The following PSMF1 variants were observed in gnomAD, a reference collection of about 807,000 sequenced individuals.
PSMF1 encodes the protein proteasome inhibitor PI31 subunit.
Under a neutral mutation model 29.3 loss-of-function variants are expected in PSMF1, and 30 were observed. The ratio of observed to expected loss-of-function variants is 1.02; its 90% confidence interval spans 0.77 to 1.39. The LOEUF (loss-of-function observed/expected upper bound fraction) is 1.39. Ranked by LOEUF, PSMF1 falls within the 40% of genes most tolerant of loss-of-function variation. The pLI is 0.00. For synonymous variants in PSMF1, 134 were observed against 139.7 expected, an observed-to-expected ratio of 0.96 and a Z score of 0.29; for missense variants, 344 against 357.5, an observed-to-expected ratio of 0.96 and a Z score of 0.31.
At chr20:1,156,875 T>G (rs2086600923) in intron 4 of PSMF1, among the ~76,000 whole-genome samples, 1 of 152,182 alleles carries the variant, frequency 6.6e-6, no homozygotes, top group South Asian at 2.1e-4. Context: ...TAATGGACAG[T>G]TCTCTAAAAT....
At chr20:1,132,515 C>A (rs1002991798) in intron 3 of PSMF1, among the ~76,000 whole-genome samples, 6 of 151,964 alleles carry the variant, frequency 3.9e-5, no homozygotes, top group Admixed American at 6.6e-5. Flanking sequence ...GACCTCGTGA[C>A]CCACCCATCT....
Position 1,166,064 on chromosome 20 carries a change from G to T in PSMF1, c.*984G>T. ...GCCATACTTCCCTTGAACCTTGTGT[G>T]GTTCTTGCCTAACTCTGTGGTTTTT... On this transcript the variant is annotated 3_prime_UTR_variant, in exon 7 of 7. Transcript: ENST00000335877. The T allele has an allele frequency of 6.7e-7, 1 of 1,494,574 alleles. No individual in the cohort carries two copies. The highest frequency in any genetic ancestry group is 1.3e-5 in the South Asian group (1 of 76,244). The allele number at this position is 1,494,574 out of a possible 1,614,324, so 92.6% of individuals were successfully genotyped here. A position where few individuals can be genotyped will look rare whatever the true frequency, so the allele number is the denominator to read the frequency against.
At chr20:1,131,785 A>T (rs571523246) in intron 3 of PSMF1, among the ~76,000 whole-genome samples, 1 of 152,330 alleles carries the variant, frequency 6.6e-6, no homozygotes, top group Middle Eastern at 3.4e-3. Context: ...CTTTTGCCAC[A>T]ACCAAAATGG....
At position 1,170,501 on chromosome 20, in the gene PSMF1, C is replaced by T. The variant is rs963067284; in HGVS notation, c.*5421C>T. 6.6e-6 allele frequency among the ~76,000 whole-genome samples: 1 copy of T among 152,130 alleles called. No individual in the cohort carries two copies. Among genetic ancestry groups the T allele is most frequent in the Non-Finnish European group, 1.5e-5 (1 of 68,030 alleles). On this transcript the variant is annotated 3_prime_UTR_variant, in exon 7 of 7. Coordinates refer to ENST00000335877, the MANE Select transcript of PSMF1 (RefSeq NM_006814.5). ...AGCACCTTTATAGCATACATTATATCTTCAAACCATAACCATAATGAGGTG... is the reference window on the plus strand; with the variant it reads ...AGCACCTTTATAGCATACATTATATTTTCAAACCATAACCATAATGAGGTG...
Position 1,165,691 on chromosome 20 carries a change from G to A in PSMF1, c.*611G>A. On this transcript the variant is annotated 3_prime_UTR_variant, in exon 7 of 7. Coordinates refer to ENST00000335877, the MANE Select transcript of PSMF1 (RefSeq NM_006814.5). ...GAAATGAGTGACTGGAAATCCCATAGGCCACAAGAATGACTTTCACAAGGG... is the reference window on the plus strand; with the variant it reads ...GAAATGAGTGACTGGAAATCCCATAAGCCACAAGAATGACTTTCACAAGGG... 1 of 999,994 alleles carries A rather than the reference G, an allele frequency of 1.0e-6. No homozygotes were observed. The highest frequency in any genetic ancestry group is 4.4e-5 in the South Asian group (1 of 22,918). The allele number at this position is 999,994 out of a possible 1,614,324, so 61.9% of individuals were successfully genotyped here.
chr20:1,151,840 A>G (rs1217169931), intron 4 of PSMF1, among the ~76,000 whole-genome samples: 3 of 152,200 alleles, frequency 2.0e-5, no homozygotes, highest in Admixed American at 1.3e-4. Context: ...TATTGAGGGT[A>G]ATTGACTTTT....
rs906570943 is a variant in PSMF1 at position 1,170,006 on chromosome 20, C to G, written c.*4926C>G. 6.6e-6 allele frequency among the ~76,000 whole-genome samples: 1 copy of G among 152,192 alleles called. No homozygotes were observed. The highest frequency in any genetic ancestry group is 2.4e-5 in the African/African-American group (1 of 41,456). The stretch of plus-strand genomic sequence containing the variant: ...TGCTCTAAGTACACATTAGTACATG[C>G]TGGGCCCCAATCTAGATCTCAAGGG... On this transcript the variant is annotated 3_prime_UTR_variant, in exon 7 of 7. Transcript: ENST00000335877.
chr20:1,132,978 T>TG (rs1001350761), intron 3 of PSMF1, among the ~76,000 whole-genome samples: 4 of 150,386 alleles, frequency 2.7e-5, no homozygotes, highest in African/African-American at 9.7e-5. Context: ...TGTTTTTTTT[T>TG]TTTTTTGGTA....
At chr20:1,150,586 T>A (rs2086517683) in intron 4 of PSMF1, among the ~76,000 whole-genome samples, 1 of 152,170 alleles carries the variant, frequency 6.6e-6, no homozygotes, top group South Asian at 2.1e-4. Flanking sequence ...TAATCAAATC[T>A]CTTGTTCATT....
At chr20:1,145,372 G>C (rs950087861) in intron 4 of PSMF1, among the ~76,000 whole-genome samples, 1 of 152,112 alleles carries the variant, frequency 6.6e-6, no homozygotes, top group Non-Finnish European at 1.5e-5. Flanking sequence ...AGTCAGGGAT[G>C]AGCAATGGAC....
At chr20:1,160,284 G>A (rs79596059) in intron 4 of PSMF1, among the ~76,000 whole-genome samples, 1 of 151,974 alleles carries the variant, frequency 6.6e-6, no homozygotes, top group Non-Finnish European at 1.5e-5. Flanking sequence ...TAGAGCATGA[G>A]CATTTCTCCA....
chr20:1,136,564 T>C (rs1415238515), intron 4 of PSMF1, among the ~76,000 whole-genome samples: 2 of 152,214 alleles, frequency 1.3e-5, no homozygotes, highest in Non-Finnish European at 2.9e-5. Context: ...CTCATGCACA[T>C]TTCAGAGGAA....
chr20:1,132,839 A>G (rs1172034473), intron 3 of PSMF1, among the ~76,000 whole-genome samples: 3 of 152,126 alleles, frequency 2.0e-5, no homozygotes, highest in Non-Finnish European at 4.4e-5. Context: ...ATGATTATGA[A>G]TGGCATATTC....
upstream of PSMF1, among the ~76,000 whole-genome samples, chr20:1,116,924 A>G (rs2086016793): frequency 6.6e-6 from 1 of 152,200 alleles, no homozygotes; most frequent in Non-Finnish European, 1.5e-5. Context: ...CTGGGAAAAG[A>G]GCATTCCAGG....
chr20:1,118,382 A>G (rs73071626), upstream of PSMF1: 746 of 187,520 alleles, frequency 4.0e-3, 6 homozygotes, highest in Non-Finnish European at 5.1e-3. Context: ...GGCCTAGCAT[A>G]CCCCATTTTG....
chr20:1,153,857 A>T (rs2086561832), intron 4 of PSMF1, among the ~76,000 whole-genome samples: 1 of 152,188 alleles, frequency 6.6e-6, no homozygotes, highest in Admixed American at 6.5e-5. Flanking sequence ...CAAAGAAACA[A>T]GTTCTTTGTT....
intron 4 of PSMF1, among the ~76,000 whole-genome samples, chr20:1,145,702 A>C (rs1409982311): frequency 3.9e-5 from 6 of 152,164 alleles, no homozygotes; most frequent in African/African-American, 1.4e-4. Context: ...AGTTCAGTGA[A>C]TCTTTACTAA....
intron 4 of PSMF1, among the ~76,000 whole-genome samples, chr20:1,152,048 G>T (rs2086537575): frequency 6.6e-6 from 1 of 152,094 alleles, no homozygotes; most frequent in African/African-American, 2.4e-5. Context: ...AAAGTTACGT[G>T]GTTGGGACTC....
At chr20:1,140,652 A>G (rs1443058908) in intron 4 of PSMF1, among the ~76,000 whole-genome samples, 2 of 152,264 alleles carry the variant, frequency 1.3e-5, no homozygotes, top group African/African-American at 2.4e-5. Flanking sequence ...GATAGTATCA[A>G]GAAACTGAAA....
Sources: gnomAD v4.1 joint callset for allele counts (sites outside exome capture counted in the v4.1 genomes callset) on GRCh38, gnomAD v4.1.1 for gene constraint, MANE v1.5 for transcripts, NCBI Gene and HGNC (gene_info 2026-07-23, HGNC 2026-07-21) for gene names.